Variants in RPP30 observed in about 807,000 individuals in gnomAD.
RPP30 encodes ribonuclease P protein subunit p30.
Under a neutral mutation model 38.6 loss-of-function variants are expected in RPP30, and 36 were observed. The ratio of observed to expected loss-of-function variants is 0.93; its 90% CI spans 0.71 to 1.23. The LOEUF is 1.23. RPP30 is among the 50% of genes most tolerant of loss of function. RPP30 has a pLI of 0.00. For synonymous variants in RPP30, 126 were observed against 112.7 expected (o/e 1.12, Z -0.75); for missense variants, 321 against 321.7 (o/e 1.00, Z 0.02).
downstream of RPP30, among the ~76,000 whole-genome samples, chr10:90,904,928 TA>T (rs1847238103): frequency 6.6e-6 from 1 of 152,176 alleles, no homozygotes; most frequent in African/African-American, 2.4e-5. Context: ...TCACACCCAA[TA>T]CACACCCATA....
intron 1 of RPP30, among the ~76,000 whole-genome samples, chr10:90,872,769 T>G (rs1278128528): frequency 2.0e-5 from 3 of 152,214 alleles, no homozygotes; most frequent in African/African-American, 7.2e-5. Flanking sequence ...CAGCTCATTG[T>G]GAGTTCTGAT....
Position 90,888,449 on chromosome 10 carries a change from A to C in RPP30, c.432+2548A>C, listed in dbSNP as rs193002417. On this transcript the variant is annotated intron_variant, in intron 6 of 10. Transcript: ENST00000371703. ...TTTAAACCAGAGTGTGAGCTCCTAG[A>C]GAACACCGGCTGTCATGGTCCTTTT... Among the ~76,000 whole-genome samples the C allele has an allele frequency of 9.0e-4, 137 of 152,294 alleles. 1 individual carries two copies. Among genetic ancestry groups the C allele is most frequent in the African/African-American group, 3.2e-3 (132 of 41,558 alleles).
intron 5 of RPP30, among the ~76,000 whole-genome samples, chr10:90,881,889 T>C (rs1426560823): frequency 2.0e-5 from 3 of 152,150 alleles, no homozygotes; most frequent in Non-Finnish European, 4.4e-5. Flanking sequence ...GACAGACACA[T>C]GTTTATGTCA....
At chr10:90,907,858 C>T (rs529756666), downstream of RPP30, among the ~76,000 whole-genome samples, 1 of 152,202 alleles carries the variant, frequency 6.6e-6, no homozygotes, top group Non-Finnish European at 1.5e-5. Context: ...CTTACTGCCT[C>T]ACTTAACGAC....
At position 90,872,018 on chromosome 10, in the gene RPP30, C is replaced by T. The variant is rs41286916; in HGVS notation, c.32C>T (p.Ala11Val). The T allele has an allele frequency of 1.7e-3, 2,729 of 1,614,124 alleles. 11 individuals carry two copies. Among genetic ancestry groups the T allele is most frequent in the Middle Eastern group, 0.016 (97 of 6,062 alleles). Residue 11 changes from alanine (A) to valine (V), a missense_variant, in exon 1 of 11, where the codon GCG becomes GTG. Physicochemically the swap from Ala to Val is moderately conservative, Grantham distance 64. Transcript: ENST00000371703. ...GTGTTTGCAGATTTGGACCTGCGAG[C>T]GGGTTCTGACCTGAAGGCTCTGCGC... MAVFADLDLR[A>V]GSDLKALRGL...
intron 10 of RPP30, among the ~76,000 whole-genome samples, chr10:90,897,239 G>A (rs1485484722): frequency 6.6e-6 from 1 of 152,180 alleles, no homozygotes; most frequent in Non-Finnish European, 1.5e-5. Context: ...CTTAGGACTA[G>A]TTGTAGTGGT....
At position 90,900,805 on chromosome 10, in the gene RPP30, A is replaced by T; in HGVS notation, c.*126A>T. 1 of 1,399,972 alleles carries T rather than the reference A, an allele frequency of 7.1e-7. No individual in the cohort carries two copies. The highest frequency in any genetic ancestry group is 9.3e-7 in the Non-Finnish European group (1 of 1,078,264). The allele number at this position is 1,399,972 out of a possible 1,614,324, so 86.7% of individuals were successfully genotyped here. A position where few individuals can be genotyped will look rare whatever the true frequency, so the allele number is the denominator to read the frequency against. ...GAGCTAGAAATCAATAGTCTATAAA[A>T]ACAGTTTTACTTGCAATCCATTAAA... On this transcript the variant is annotated 3_prime_UTR_variant, in exon 11 of 11. Transcript: ENST00000371703.
chr10:90,875,042 A>C (rs1379537814), intron 2 of RPP30, 118 bp downstream of exon 2: 4 of 537,784 alleles, frequency 7.4e-6, no homozygotes, highest in Non-Finnish European at 9.8e-6. Context: ...TTTGTGCACT[A>C]CTACTTTTCT....
chr10:90,906,790 G>A (rs771951652), downstream of RPP30, among the ~76,000 whole-genome samples: 1 of 152,194 alleles, frequency 6.6e-6, no homozygotes, highest in Non-Finnish European at 1.5e-5. Context: ...ATGAGGGAAA[G>A]AAGGTCAAAA....
intron 6 of RPP30, among the ~76,000 whole-genome samples, chr10:90,887,452 G>T (rs185683965): frequency 6.7e-6 from 1 of 148,552 alleles, no homozygotes; most frequent in East Asian, 2.0e-4. Flanking sequence ...GCACGATCTC[G>T]GCTCACTTCC....
At chr10:90,898,936 A>G (rs934584574) in intron 10 of RPP30, among the ~76,000 whole-genome samples, 3 of 152,210 alleles carry the variant, frequency 2.0e-5, no homozygotes, top group African/African-American at 7.2e-5. Context: ...CTTGTGAACA[A>G]AATTATTCAC....
rs746928272 is a variant in RPP30, at chr10:90,872,051, T to G, written c.65T>G (p.Val22Gly). The G allele has an allele frequency of 6.2e-7, 1 of 1,614,148 alleles. No individual in the cohort carries two copies. Among genetic ancestry groups the G allele is most frequent in the Non-Finnish European group, 8.5e-7 (1 of 1,180,000 alleles). The change falls in exon 1 of 11, where the codon GTG becomes GGG. Residue 22 changes from valine to glycine, a missense_variant. Transcript: ENST00000371703. ...GSDLKALRGL[V>G]ETAAHLGYSV... ...GACCTGAAGGCTCTGCGCGGACTTGTGGAGACAGCCGCTCACCGTGAGTTG... is the reference window on the plus strand; with the variant it reads ...GACCTGAAGGCTCTGCGCGGACTTGGGGAGACAGCCGCTCACCGTGAGTTG...
intron 9 of RPP30, 112 bp from the exon 10 acceptor site, chr10:90,896,201 T>G: frequency 1.1e-6 from 1 of 892,808 alleles, no homozygotes; most frequent in Non-Finnish European, 1.8e-6. Flanking sequence ...GAACTGCTGT[T>G]GAATTAATTA....
At chr10:90,875,236 C>A (rs575454356) in intron 2 of RPP30, among the ~76,000 whole-genome samples, 1 of 142,832 alleles carries the variant, frequency 7.0e-6, no homozygotes, top group Admixed American at 6.9e-5. Context: ...ATTCTATTGT[C>A]ATGGGCTTAT....
At chr10:90,874,190 G>A (rs550749542) in intron 1 of RPP30, among the ~76,000 whole-genome samples, 41 of 152,228 alleles carry the variant, frequency 2.7e-4, no homozygotes, top group African/African-American at 9.6e-4. Flanking sequence ...ATTAAAGATG[G>A]GAGTCATGAT....
At chr10:90,900,100 T>C (rs1191292406) in intron 10 of RPP30, among the ~76,000 whole-genome samples, 2 of 152,222 alleles carry the variant, frequency 1.3e-5, no homozygotes, top group African/African-American at 4.8e-5. Flanking sequence ...TGTTGAGTGT[T>C]GGCAATATAA....
At chr10:90,887,238 G>A (rs1847014267) in intron 6 of RPP30, among the ~76,000 whole-genome samples, 1 of 151,886 alleles carries the variant, frequency 6.6e-6, no homozygotes, top group Admixed American at 6.6e-5. Flanking sequence ...AAAGTGCTCA[G>A]CTTACAGGCA....
downstream of RPP30, among the ~76,000 whole-genome samples, chr10:90,907,709 G>A (rs1847268591): frequency 6.6e-6 from 1 of 152,160 alleles, no homozygotes; most frequent in South Asian, 2.1e-4. Context: ...TGGAACACTT[G>A]ATTCTTGAAT....
downstream of RPP30, among the ~76,000 whole-genome samples, chr10:90,907,959 A>G (rs548760244): frequency 3.0e-4 from 45 of 152,338 alleles, no homozygotes; most frequent in South Asian, 8.9e-3. Flanking sequence ...GATACAGCCT[A>G]CTAAACACCT....
Sources: allele counts gnomAD v4.1 joint callset (sites outside exome capture counted in the v4.1 genomes callset), GRCh38; gene constraint gnomAD v4.1.1; transcripts MANE v1.5; gene names NCBI Gene and HGNC (gene_info 2026-07-23, HGNC 2026-07-21).